Variants in XPR1 observed in about 807,000 individuals in gnomAD.
The protein encoded by XPR1 is xenotropic and polytropic retrovirus receptor 1, also known as solute carrier family 53 member 1.
A neutral mutation model predicts 87.5 loss-of-function variants in XPR1; 28 were observed. The ratio of observed to expected loss-of-function variants is 0.32; its 90% CI spans 0.24 to 0.44. The LOEUF (loss-of-function observed/expected upper bound fraction) is 0.44, where lower values mean the gene tolerates loss of function less well. Among genes scored for constraint, XPR1 ranks in the 20% least tolerant of loss-of-function variants. The pLI is 1.00. For synonymous variants in XPR1, 300 were observed against 306.1 expected (o/e 0.98, Z 0.21); for missense variants, 559 against 862.3 (o/e 0.65, Z 4.41).
At chr1:180,788,681 A>G (rs1356172024) in intron 3 of XPR1, among the ~76,000 whole-genome samples, 1 of 152,156 alleles carries the variant, frequency 6.6e-6, no homozygotes, top group Non-Finnish European at 1.5e-5. Context: ...GTAGTCTGTA[A>G]TTTTATTTAA....
At chr1:180,713,211 G>C (rs12028357) in intron 2 of XPR1, among the ~76,000 whole-genome samples, 1 of 151,960 alleles carries the variant, frequency 6.6e-6, no homozygotes. Flanking sequence ...TCTTTAATCA[G>C]ATTTATTTCT....
At chr1:180,760,295 A>G (rs1310348123) in intron 2 of XPR1, among the ~76,000 whole-genome samples, 1 of 152,214 alleles carries the variant, frequency 6.6e-6, no homozygotes, top group Admixed American at 6.5e-5. Context: ...AATAAAGGGT[A>G]TTCAATTAGG....
chr1:180,708,871 C>G (rs193275326), intron 2 of XPR1, among the ~76,000 whole-genome samples: 4 of 129,530 alleles, frequency 3.1e-5, no homozygotes, highest in African/African-American at 1.2e-4. Context: ...CTTCAGATAG[C>G]TGTAGTCTTA....
chr1:180,743,335 TACTTC>T (rs1228977939), intron 2 of XPR1, among the ~76,000 whole-genome samples: 1 of 151,992 alleles, frequency 6.6e-6, no homozygotes, highest in East Asian at 1.9e-4. Flanking sequence ...ATAATATACA[TACTTC>T]ACTTTAAACA....
Position 180,807,164 on chromosome 1 carries a change from A to T in XPR1, c.681+607A>T, listed in dbSNP as rs569212252. On this transcript the variant is annotated intron_variant, in intron 6 of 14. Transcript: ENST00000367590. ...CCTAAGACTTGGCCCAAAAAAGGGT[A>T]TTCACTTTTAACACCTGTATTCAAC... Among the ~76,000 whole-genome samples the T allele has an allele frequency of 2.0e-5, 3 of 152,318 alleles. No individual in the cohort carries two copies. The East Asian group carries it at 5.8e-4, about 29-fold the overall frequency.
intron 9 of XPR1, among the ~76,000 whole-genome samples, chr1:180,831,989 T>G (rs776421356): frequency 6.6e-6 from 1 of 152,340 alleles, no homozygotes; most frequent in Admixed American, 6.5e-5. Context: ...TCCACAATGG[T>G]TGAACTAATT....
chr1:180,714,349 TTCTC>T (rs71121047), intron 2 of XPR1, among the ~76,000 whole-genome samples: 5,703 of 71,872 alleles, frequency 0.079, 277 homozygotes, highest in Middle Eastern at 0.12. Flanking sequence ...TTTTTCCCTG[TTCTC>T]TCTCTCTCTC....
chr1:180,863,038 C>T (rs1273816759), intron 11 of XPR1, among the ~76,000 whole-genome samples: 1 of 152,022 alleles, frequency 6.6e-6, no homozygotes, highest in Non-Finnish European at 1.5e-5. Context: ...CAGCATAAAG[C>T]CAAAGGTTAC....
intron 1 of XPR1, among the ~76,000 whole-genome samples, chr1:180,659,958 A>C (rs1432297230): frequency 6.6e-6 from 1 of 152,124 alleles, no homozygotes; most frequent in Non-Finnish European, 1.5e-5. Flanking sequence ...TTGTTCTTTA[A>C]ACATCTGGTA....
chr1:180,763,448 G>C (rs368799973), intron 2 of XPR1, among the ~76,000 whole-genome samples: 1 of 152,212 alleles, frequency 6.6e-6, no homozygotes, highest in Non-Finnish European at 1.5e-5. Flanking sequence ...TATGCAAAAA[G>C]TATACCCTCG....
chr1:180,786,468 G>A (rs1276419480), intron 2 of XPR1, among the ~76,000 whole-genome samples: 1 of 152,132 alleles, frequency 6.6e-6, no homozygotes, highest in Admixed American at 6.5e-5. Flanking sequence ...TAGAGATCCA[G>A]GAATAGGATA....
chr1:180,774,016 T>C (rs1441410908), intron 2 of XPR1, among the ~76,000 whole-genome samples: 1 of 152,230 alleles, frequency 6.6e-6, no homozygotes, highest in African/African-American at 2.4e-5. Flanking sequence ...TTATATACAT[T>C]TGCTTTGTTC....
At chr1:180,838,436 A>G (rs150053024) in intron 11 of XPR1, among the ~76,000 whole-genome samples, 1 of 152,308 alleles carries the variant, frequency 6.6e-6, no homozygotes, top group Admixed American at 6.5e-5. Context: ...GTATACTGAT[A>G]GCATTCAGTA....
chr1:180,843,849 A>C (rs1377250635), intron 11 of XPR1, among the ~76,000 whole-genome samples: 1 of 152,222 alleles, frequency 6.6e-6, no homozygotes, highest in African/African-American at 2.4e-5. Context: ...ACTCGTGTAC[A>C]AAAGTTTAAA....
intron 2 of XPR1, among the ~76,000 whole-genome samples, chr1:180,776,277 T>G (rs1198782268): frequency 6.6e-6 from 1 of 152,174 alleles, no homozygotes; most frequent in Non-Finnish European, 1.5e-5. Context: ...CATTCTGATC[T>G]ACTTATTTAT....
chr1:180,795,506 A>G (rs981322128), intron 3 of XPR1, among the ~76,000 whole-genome samples: 1 of 152,182 alleles, frequency 6.6e-6, no homozygotes, highest in East Asian at 1.9e-4. Flanking sequence ...GTTTTCATCA[A>G]TATTATAAAA....
intron 2 of XPR1, among the ~76,000 whole-genome samples, chr1:180,757,425 A>G (rs1647790030): frequency 1.3e-5 from 2 of 152,284 alleles, no homozygotes; most frequent in South Asian, 4.1e-4. Context: ...AATACATCAG[A>G]AAAAAACTAA....
chr1:180,782,658 C>T (rs1246324387), intron 2 of XPR1, among the ~76,000 whole-genome samples: 1 of 151,898 alleles, frequency 6.6e-6, no homozygotes, highest in Non-Finnish European at 1.5e-5. Context: ...CCTCATTTAA[C>T]CTTAGTTGCC....
At chr1:180,874,104 AG>A in intron 13 of XPR1, 162 bp downstream of exon 13, 1 of 889,574 alleles carries the variant, frequency 1.1e-6, no homozygotes, top group Non-Finnish European at 1.6e-6. Context: ...CATGTTGGCC[AG>A]GCTGATCTCG....
Sources: allele counts gnomAD v4.1 joint callset (sites outside exome capture counted in the v4.1 genomes callset), GRCh38; gene constraint gnomAD v4.1.1; transcripts MANE v1.5; gene names NCBI Gene and HGNC (gene_info 2026-07-23, HGNC 2026-07-21).